DHRS9: variants seen among roughly 807,000 people sequenced by gnomAD.
DHRS9 encodes dehydrogenase/reductase SDR family member 9.
A neutral mutation model predicts 26.6 loss-of-function variants in DHRS9; 18 were observed. The ratio of observed to expected loss-of-function variants is 0.68; its 90% CI spans 0.47 to 1.00. The LOEUF (loss-of-function observed/expected upper bound fraction) is 1.00, where lower values mean the gene tolerates loss of function less well. Ranked by LOEUF, DHRS9 falls within the 50% of genes least tolerant of loss-of-function variation. DHRS9 has a pLI of 0.00. For missense variants in DHRS9, 425 were observed against 378.7 expected (o/e 1.12, Z -1.01); for synonymous variants, 134 against 141.1 (o/e 0.95, Z 0.36).
chr2:169,082,355 T>C (rs1684217631), intron 2 of DHRS9, among the ~76,000 whole-genome samples: 1 of 152,138 alleles, frequency 6.6e-6, no homozygotes, highest in Admixed American at 6.5e-5. Flanking sequence ...AGAATTTGAG[T>C]ATGAGTGTCT....
chr2:169,069,007 T>C (rs1430016367), upstream of DHRS9, among the ~76,000 whole-genome samples: 1 of 152,124 alleles, frequency 6.6e-6, no homozygotes, highest in Non-Finnish European at 1.5e-5. Flanking sequence ...TTCTCAGCGG[T>C]CTCAGTTCCA....
intron 2 of DHRS9, 74 bp from the exon 3 acceptor site, chr2:169,083,255 G>A: frequency 6.5e-7 from 1 of 1,541,898 alleles, no homozygotes; most frequent in Non-Finnish European, 8.9e-7. Flanking sequence ...GTGCAAAGCA[G>A]GGGCTGTATT....
chr2:169,095,583 T>C lies in DHRS9; in HGVS notation c.776T>C (p.Met259Thr). The C allele has an allele frequency of 1.9e-6, 3 of 1,613,960 alleles. No homozygotes were observed. Among genetic ancestry groups the C allele is most frequent in the Non-Finnish European group, 1.7e-6 (2 of 1,179,888 alleles). Residue 259 changes from methionine (M) to threonine (T), a missense_variant, in exon 5 of 5, where the codon ATG (methionine) becomes ACG (threonine). By Grantham distance (81) the Met-to-Thr change is moderately conservative. Coordinates refer to ENST00000674881, the MANE Select transcript of DHRS9 (RefSeq NM_001376924.1). Reference sequence around the variant, plus strand: ...AAAGGCAATAAATCCTATGTGAACATGGACCTCTCTCCGGTGGTAGAGTGC... The same window carrying C: ...AAAGGCAATAAATCCTATGTGAACACGGACCTCTCTCCGGTGGTAGAGTGC... ...KLKGNKSYVN[M>T]DLSPVVECMD...
intron 4 of DHRS9, among the ~76,000 whole-genome samples, chr2:169,093,730 T>C (rs1684607027): frequency 6.6e-6 from 1 of 152,168 alleles, no homozygotes. Context: ...TCACTAGAGT[T>C]TTCAAGTCAG....
At chr2:169,089,195 T>G (rs1558955480) in intron 3 of DHRS9, among the ~76,000 whole-genome samples, 1 of 152,238 alleles carries the variant, frequency 6.6e-6, no homozygotes, top group East Asian at 1.9e-4. Context: ...TGACAGTAGG[T>G]GTATTTCTCT....
intron 1 of DHRS9, among the ~76,000 whole-genome samples, chr2:169,076,070 A>C (rs1481860432): frequency 3.3e-5 from 5 of 152,230 alleles, no homozygotes; most frequent in Non-Finnish European, 7.3e-5. Context: ...GTCAGTTGCC[A>C]AATGGTGATA....
intron 1 of DHRS9, among the ~76,000 whole-genome samples, chr2:169,075,654 C>T (rs559849051): frequency 8.6e-5 from 13 of 152,002 alleles, no homozygotes; most frequent in Admixed American, 7.2e-4. Context: ...TGTTGTATCT[C>T]GTTGGTCTCC....
Position 169,081,571 on chromosome 2 carries a change from CA to C in DHRS9, c.-10del. The C allele has an allele frequency of 1.2e-6, 2 of 1,611,892 alleles. No homozygotes were observed. Among genetic ancestry groups the C allele is most frequent in the Non-Finnish European group, 1.7e-6 (2 of 1,179,036 alleles). ...AAGAAAGGAGTGTACCTATCACACA[CA>C]GGGGGAAAAATGCTCTTTTGGGTGC... On this transcript the variant is annotated 5_prime_UTR_variant, in exon 2 of 5. Transcript: ENST00000674881.
At chr2:169,072,008 GT>G (rs76184631) in intron 1 of DHRS9, among the ~76,000 whole-genome samples, 6,635 of 122,280 alleles carry the variant, frequency 0.054, 249 homozygotes, top group African/African-American at 0.13. Flanking sequence ...AGCCACCTGG[GT>G]TTTTTTTTTT....
chr2:169,082,224 A>C (rs1023648303), intron 2 of DHRS9, among the ~76,000 whole-genome samples: 1 of 152,164 alleles, frequency 6.6e-6, no homozygotes, highest in Admixed American at 6.5e-5. Context: ...TTAGACTAAA[A>C]TGTACAGGAG....
intron 4 of DHRS9, among the ~76,000 whole-genome samples, chr2:169,093,911 C>T (rs1684613529): frequency 6.6e-6 from 1 of 152,186 alleles, no homozygotes; most frequent in Admixed American, 6.5e-5. Flanking sequence ...AAAGATCTAA[C>T]ATCATAGACT....
intron 1 of DHRS9, chr2:169,070,386 A>C: frequency 2.0e-6 from 2 of 985,340 alleles, no homozygotes; most frequent in Admixed American, 6.1e-5. Context: ...CAATGACTTG[A>C]TGTTTAGGAG....
At position 169,096,078 on chromosome 2, in the gene DHRS9, G is replaced by T. The variant is rs759704263; in HGVS notation, c.*311G>T. ...TTCAAAATGATCTTTACCGTGGCCT[G>T]CCCCATGCTTATGGTCCCCAGCATT... On this transcript the variant is annotated 3_prime_UTR_variant, in exon 5 of 5. Transcript: ENST00000674881. The T allele has an allele frequency of 1.7e-5, 6 of 359,458 alleles. No individual in the cohort carries two copies. Among genetic ancestry groups the T allele is most frequent in the Admixed American group, 4.3e-5 (1 of 23,092 alleles). The allele number at this position is 359,458 out of a possible 1,614,324, so 22.3% of individuals were successfully genotyped here.
At chr2:169,091,567 C>T (rs1488160643) in intron 3 of DHRS9, among the ~76,000 whole-genome samples, 2 of 152,214 alleles carry the variant, frequency 1.3e-5, no homozygotes, top group East Asian at 3.8e-4. Flanking sequence ...GTGGTGTCCA[C>T]CCAGATCCCT....
At position 169,081,753 on chromosome 2, in the gene DHRS9, G is replaced by A. The variant is rs771507025; in HGVS notation, c.172G>A (p.Ala58Thr). The A allele has an allele frequency of 4.3e-5, 70 of 1,614,030 alleles. No individual in the cohort carries two copies. Among genetic ancestry groups the A allele is most frequent in the East Asian group, 6.7e-5 (3 of 44,894 alleles). Reference protein sequence around the residue: ...TFDKKGFHVIAACLTESGSTA... With the variant: ...TFDKKGFHVITACLTESGSTA... ...TGATAAAAAGGGATTTCATGTAATC[G>A]CTGCCTGTCTGACTGAATCAGGATC... Residue 58 changes from alanine (A) to threonine (T), a missense_variant, in exon 2 of 5, where the codon GCT (alanine) becomes ACT (threonine). By Grantham distance (58) the Ala-to-Thr change is moderately conservative. Coordinates refer to ENST00000674881, the MANE Select transcript of DHRS9 (RefSeq NM_001376924.1).
chr2:169,090,682 A>C (rs1183000520), intron 3 of DHRS9, among the ~76,000 whole-genome samples: 1 of 152,246 alleles, frequency 6.6e-6, no homozygotes, highest in Non-Finnish European at 1.5e-5. Context: ...GTAGGAAAAT[A>C]AATCAAATTT....
rs532951266 is a variant in DHRS9, at chr2:169,083,268, C to T, written c.314-61C>T. The T allele has an allele frequency of 2.6e-5, 41 of 1,572,852 alleles. No individual in the cohort carries two copies. In the Middle Eastern group the frequency reaches 6.4e-4, roughly 25 times the overall value. On this transcript the variant is annotated intron_variant, in intron 2 of 4. Coordinates refer to ENST00000674881, the MANE Select transcript of DHRS9 (RefSeq NM_001376924.1). ...TTGTGCAAAGCAGGGGCTGTATTTT[C>T]ATCAAAGGTGGCAAATAAGTACTGT... is the stretch of plus-strand genomic sequence containing the variant.
rs149941153 is a variant in DHRS9, at chr2:169,069,674, C to A, written c.-103C>A. On this transcript the variant is annotated 5_prime_UTR_variant, in exon 1 of 5. Coordinates refer to ENST00000674881, the MANE Select transcript of DHRS9 (RefSeq NM_001376924.1). ...AGCAGGAAAGCTGCCATCAGCTGAG[C>A]AAGTCCACCAACAGTTTCTGTGTCC... 9.1e-6 allele frequency: 9 copies of A among 985,362 alleles called. No individual in the cohort carries two copies. Among genetic ancestry groups the A allele is most frequent in the Non-Finnish European group, 1.1e-5 (9 of 829,956 alleles). The allele number at this position is 985,362 out of a possible 1,614,324, so 61.0% of individuals were successfully genotyped here.
At chr2:169,087,585 G>A (rs1245970154) in intron 3 of DHRS9, among the ~76,000 whole-genome samples, 1 of 151,802 alleles carries the variant, frequency 6.6e-6, no homozygotes, top group Non-Finnish European at 1.5e-5. Flanking sequence ...TCATAGCTGG[G>A]AATGTCCTAG....
Sources: gnomAD v4.1 joint callset for allele counts (sites outside exome capture counted in the v4.1 genomes callset) on GRCh38, gnomAD v4.1.1 for gene constraint, MANE v1.5 for transcripts, NCBI Gene and HGNC (gene_info 2026-07-23, HGNC 2026-07-21) for gene names.